VEPH1: variants seen among roughly 807,000 people sequenced by gnomAD.
The protein encoded by VEPH1 is ventricular zone-expressed PH domain-containing protein homolog 1.
In VEPH1, 80 loss-of-function variants were observed where a neutral mutation model predicts 85.2. The observed-to-expected ratio is 0.94, with a 90% CI of 0.78 to 1.13. The LOEUF is 1.13. Among genes scored for constraint, VEPH1 ranks in the 50% most tolerant of loss-of-function variants. The pLI is 0.00. For missense variants in VEPH1, 955 were observed against 980.5 expected, an observed-to-expected ratio of 0.97 and a Z score of 0.35; for synonymous variants, 297 against 348.0, an observed-to-expected ratio of 0.85 and a Z score of 1.63.
At position 157,484,057 on chromosome 3, in the gene VEPH1, A is replaced by C. The variant is rs1312901205; in HGVS notation, c.138+11155T>G. On this transcript the variant is annotated intron_variant, in intron 2 of 13. Coordinates refer to ENST00000362010, the MANE Select transcript of VEPH1 (RefSeq NM_001167912.2). ...ACATGTAATAGTGAAACCATAGAAC[A>C]CCAAAGGCACAGGGAAAATATTAAC... Among the ~76,000 whole-genome samples the C allele has an allele frequency of 2.6e-5, 4 of 152,188 alleles. No homozygotes were observed. In the East Asian group the frequency reaches 7.7e-4, roughly 29 times the overall value.
At chr3:157,285,228 A>G (rs1185416125) in intron 12 of VEPH1, 1 of 152,214 alleles carries the variant, frequency 6.6e-6, no homozygotes, top group Non-Finnish European at 1.5e-5. Context: ...TTAACTTTTA[A>G]AAAATTGGGG....
At chr3:157,485,936 T>G (rs972725931) in intron 2 of VEPH1, among the ~76,000 whole-genome samples, 1 of 152,232 alleles carries the variant, frequency 6.6e-6, no homozygotes, top group African/African-American at 2.4e-5. Flanking sequence ...CTTTAACTTG[T>G]GCATACATAA....
At chr3:157,421,570 A>G (rs1362663688) in intron 5 of VEPH1, among the ~76,000 whole-genome samples, 1 of 152,196 alleles carries the variant, frequency 6.6e-6, no homozygotes, top group Non-Finnish European at 1.5e-5. Flanking sequence ...TTCCCTTCTC[A>G]GTAAACCCTT....
intron 4 of VEPH1, chr3:157,437,131 A>C (rs530947104): frequency 6.4e-7 from 1 of 1,561,630 alleles, no homozygotes; most frequent in Non-Finnish European, 8.7e-7. Flanking sequence ...TAAATAACAC[A>C]CATATACTTT....
intron 4 of VEPH1, among the ~76,000 whole-genome samples, chr3:157,437,339 G>T (rs1733679197): frequency 6.6e-6 from 1 of 152,218 alleles, no homozygotes; most frequent in African/African-American, 2.4e-5. Context: ...CTGAATGAAT[G>T]ATTTCTGTCG....
At chr3:157,294,435 G>C (rs1198997817) in intron 11 of VEPH1, among the ~76,000 whole-genome samples, 1 of 152,118 alleles carries the variant, frequency 6.6e-6, no homozygotes, top group African/African-American at 2.4e-5. Flanking sequence ...TTGGTTTCTT[G>C]TTTGTTTCAC....
chr3:157,468,149 C>T (rs1448017399), intron 3 of VEPH1, among the ~76,000 whole-genome samples: 11 of 152,150 alleles, frequency 7.2e-5, no homozygotes, highest in African/African-American at 2.7e-4. Context: ...CTTAGCCTAT[C>T]TAGTGAAATT....
intron 3 of VEPH1, among the ~76,000 whole-genome samples, chr3:157,464,587 C>A (rs1347605029): frequency 6.6e-6 from 1 of 152,096 alleles, no homozygotes; most frequent in Admixed American, 6.6e-5. Flanking sequence ...CTCGTGGGGA[C>A]AATTTAGCTG....
At chr3:157,309,134 C>T (rs1003023995) in intron 11 of VEPH1, among the ~76,000 whole-genome samples, 5 of 151,938 alleles carry the variant, frequency 3.3e-5, no homozygotes, top group African/African-American at 9.7e-5. Context: ...GCCAGGCATG[C>T]TCTTTAGATA....
At chr3:157,502,349 G>A (rs1272320858) in intron 1 of VEPH1, among the ~76,000 whole-genome samples, 2 of 152,138 alleles carry the variant, frequency 1.3e-5, no homozygotes, top group Non-Finnish European at 2.9e-5. Flanking sequence ...CCTTCAAAAA[G>A]GATGAGAAAC....
chr3:157,292,983 CA>C (rs11349713), intron 11 of VEPH1, among the ~76,000 whole-genome samples: 69,082 of 110,018 alleles, frequency 0.63, 18,373 homozygotes, highest in Admixed American at 0.67. Context: ...AACTCCACCT[CA>C]AAAAAAAAAA....
rs202157758 is a variant in VEPH1 at position 157,470,353 on chromosome 3, A to G, written c.315T>C (p.His105=). ...TCATGATATCAGATGCGATTTTTGCATGAGGAGTGTCTTCGTCTTTCCCAA... is the reference window on the plus strand; with the variant it reads ...TCATGATATCAGATGCGATTTTTGCGTGAGGAGTGTCTTCGTCTTTCCCAA... ...RPFGKDEDTP[H]AKIASDIMSC... The change falls in exon 3 of 14, where the codon CAT becomes CAC. Residue 105 remains histidine, a synonymous_variant. Transcript: ENST00000362010. 120 of 1,613,972 alleles carry G rather than the reference A, an allele frequency of 7.4e-5. No individual in the cohort carries two copies. The highest frequency in any genetic ancestry group is 6.4e-5 in the Non-Finnish European group (76 of 1,180,012).
chr3:157,279,180 A>G (rs1400301814), intron 12 of VEPH1, among the ~76,000 whole-genome samples: 1 of 152,190 alleles, frequency 6.6e-6, no homozygotes, highest in East Asian at 1.9e-4. Context: ...TAAGAGCGTT[A>G]CTCCAACAAT....
chr3:157,323,995 A>C (rs2108565041), intron 9 of VEPH1, among the ~76,000 whole-genome samples: 1 of 152,218 alleles, frequency 6.6e-6, no homozygotes, highest in East Asian at 1.9e-4. Context: ...ATATTTATGT[A>C]TTACTTACAT....
intron 2 of VEPH1, among the ~76,000 whole-genome samples, chr3:157,475,517 G>C (rs2109521507): frequency 6.6e-6 from 1 of 152,254 alleles, no homozygotes; most frequent in South Asian, 2.1e-4. Flanking sequence ...ATTTTACTAA[G>C]AAGTGGTACA....
At chr3:157,480,042 C>T (rs74349335) in intron 2 of VEPH1, among the ~76,000 whole-genome samples, 4,041 of 111,016 alleles carry the variant, frequency 0.036, 186 homozygotes, top group African/African-American at 0.13. Flanking sequence ...TTCTTTTTTT[C>T]TTTCTTTCTT....
intron 9 of VEPH1, among the ~76,000 whole-genome samples, chr3:157,335,900 G>A (rs1022442733): frequency 3.9e-5 from 6 of 152,084 alleles, no homozygotes; most frequent in South Asian, 2.1e-4. Flanking sequence ...CATGCAGGGC[G>A]GTGGAGTGAG....
chr3:157,386,989 G>A (rs1729372221), intron 6 of VEPH1, among the ~76,000 whole-genome samples: 1 of 152,176 alleles, frequency 6.6e-6, no homozygotes, highest in Admixed American at 6.5e-5. Flanking sequence ...AGGATCAGGA[G>A]TCAAATAAAT....
At chr3:157,364,716 G>C (rs114647294) in intron 7 of VEPH1, among the ~76,000 whole-genome samples, 2,035 of 152,200 alleles carry the variant, frequency 0.013, 30 homozygotes, top group Middle Eastern at 0.041. Context: ...TAGAAACAGT[G>C]GTGTTTATGT....
Sources: gnomAD v4.1 joint callset for allele counts (sites outside exome capture counted in the v4.1 genomes callset) on GRCh38, gnomAD v4.1.1 for gene constraint, MANE v1.5 for transcripts, NCBI Gene and HGNC (gene_info 2026-07-23, HGNC 2026-07-21) for gene names.